HYDIN: variants seen among roughly 807,000 people sequenced by gnomAD.
The protein encoded by HYDIN is HYDIN axonemal central pair apparatus protein.
A neutral mutation model predicts 403.9 loss-of-function variants in HYDIN; 132 were observed. That is an observed-to-expected ratio of 0.33 (90% CI 0.28 to 0.38). The LOEUF (loss-of-function observed/expected upper bound fraction) is 0.38, where lower values mean the gene tolerates loss of function less well. Among genes scored for constraint, HYDIN ranks in the 10% least tolerant of loss-of-function variants. HYDIN has a pLI of 1.00. For synonymous variants in HYDIN, 1,202 were observed against 1,891.7 expected (o/e 0.64, Z 9.46); for missense variants, 2,827 against 5,009.5 (o/e 0.56, Z 13.15).
At chr16:71,202,327 T>C (rs544277054) in intron 1 of HYDIN, among the ~76,000 whole-genome samples, 2 of 152,354 alleles carry the variant, frequency 1.3e-5, no homozygotes, top group South Asian at 2.1e-4. Flanking sequence ...CTTAAACAAA[T>C]ACACATTTGT....
intron 23 of HYDIN, among the ~76,000 whole-genome samples, chr16:71,008,461 C>T (rs1408925255): frequency 6.6e-6 from 1 of 152,148 alleles, no homozygotes; most frequent in Non-Finnish European, 1.5e-5. Context: ...ATAGTTACTG[C>T]TATTGGTCAA....
intron 1 of HYDIN, among the ~76,000 whole-genome samples, chr16:71,228,083 G>A (rs888344563): frequency 4.6e-5 from 7 of 152,102 alleles, no homozygotes; most frequent in Admixed American, 1.3e-4. Context: ...TTTAATAAAT[G>A]GTGCTAGGAA....
Position 70,937,123 on chromosome 16 carries a change from G to GGT in HYDIN, c.6996-1011_6996-1010dup, listed in dbSNP as rs1393386080. On this transcript the variant is annotated intron_variant, in intron 44 of 85. Transcript: ENST00000393567. ...ACTGAAGCAAACTCATTTACTTCATGGTGTGTGTGTGTGCATGTGTGTGTG... is the reference window on the plus strand; with the variant it reads ...ACTGAAGCAAACTCATTTACTTCATGGTGTGTGTGTGTGTGCATGTGTGTGTG... Among the ~76,000 whole-genome samples, 11 of 150,632 alleles carry GGT rather than the reference G, an allele frequency of 7.3e-5. No individual in the cohort carries two copies. The South Asian group carries it at 8.3e-4, about 11-fold the overall frequency.
At chr16:71,170,174 A>G (rs1484957851) in intron 5 of HYDIN, among the ~76,000 whole-genome samples, 2 of 152,186 alleles carry the variant, frequency 1.3e-5, no homozygotes, top group Admixed American at 6.5e-5. Flanking sequence ...CATTTCTCCT[A>G]TCTTTCCTGA....
chr16:71,062,552 G>C, intron 16 of HYDIN: 1 of 483,346 alleles, frequency 2.1e-6, no homozygotes, highest in Non-Finnish European at 3.6e-6. Flanking sequence ...AGCACAGCAA[G>C]ATGCAGAATT....
chr16:71,193,046 A>G (rs2087515197), intron 1 of HYDIN, among the ~76,000 whole-genome samples: 1 of 152,212 alleles, frequency 6.6e-6, no homozygotes, highest in Non-Finnish European at 1.5e-5. Flanking sequence ...GAGGAGTGCC[A>G]TAACTCTGTC....
chr16:71,013,312 G>T (rs1198387502), intron 23 of HYDIN, among the ~76,000 whole-genome samples: 1 of 151,886 alleles, frequency 6.6e-6, no homozygotes, highest in East Asian at 2.0e-4. Flanking sequence ...CAGCAAAGAA[G>T]GGGGCAGTTG....
chr16:71,133,702 CTGAATACAGTGAACG>C (rs2084803188), intron 8 of HYDIN, among the ~76,000 whole-genome samples: 1 of 152,060 alleles, frequency 6.6e-6, no homozygotes, highest in Admixed American at 6.6e-5. Context: ...TGCCAAGTCT[CTGAATACAGTGAACG>C]TGATAAGAAT....
intron 10 of HYDIN, among the ~76,000 whole-genome samples, chr16:71,098,961 A>G (rs112274123): frequency 0.027 from 3,903 of 147,088 alleles, no homozygotes; most frequent in East Asian, 0.11. Flanking sequence ...TTCTAAGCAG[A>G]TATTTTTCTT....
At chr16:71,158,399 T>C (rs1366503480) in intron 6 of HYDIN, among the ~76,000 whole-genome samples, 30 of 152,120 alleles carry the variant, frequency 2.0e-4, no homozygotes, top group Non-Finnish European at 4.4e-5. Flanking sequence ...GGTAGATAGA[T>C]AGAAAGATTT....
chr16:71,175,737 G>A lies in HYDIN; in HGVS notation c.386C>T (p.Pro129Leu). 6.2e-7 allele frequency: 1 copy of A among 1,614,072 alleles called. No individual in the cohort carries two copies. The highest frequency in any genetic ancestry group is 8.5e-7 in the Non-Finnish European group (1 of 1,179,980). ...TTCTTCCACAACTTTCACCAACCTT[G>A]GAATCTGCAGGGAAACACATGATGA... is the stretch of plus-strand genomic sequence containing the variant. ...PLILRNNDKI[P>L]RLVKVVEESS... The change falls in exon 5 of 86, where the codon CCA becomes CTA. Residue 129 changes from proline (P) to leucine (L), a missense_variant. Pro to Leu is a moderately conservative substitution (Grantham distance 98). Transcript: ENST00000393567.
intron 73 of HYDIN, among the ~76,000 whole-genome samples, chr16:70,853,971 C>T (rs996478060): frequency 6.7e-6 from 1 of 148,962 alleles, no homozygotes; most frequent in Non-Finnish European, 1.5e-5. Flanking sequence ...CCTCTGCCTC[C>T]TGGGTTCAAG....
intron 57 of HYDIN, among the ~76,000 whole-genome samples, chr16:70,890,405 C>T (rs2041399599): frequency 6.6e-6 from 1 of 152,004 alleles, no homozygotes; most frequent in African/African-American, 2.4e-5. Flanking sequence ...AGAATTAAGT[C>T]ATAATCATTA....
chr16:70,872,699 TACCC>T (rs1386484413), intron 64 of HYDIN, among the ~76,000 whole-genome samples: 1 of 88,524 alleles, frequency 1.1e-5, no homozygotes, highest in Non-Finnish European at 2.2e-5. Flanking sequence ...ATCATCTCCC[TACCC>T]ACCCATCCAT....
intron 67 of HYDIN, 103 bp from the exon 68 acceptor site, chr16:70,863,285 CTTTG>C: frequency 9.2e-7 from 1 of 1,088,908 alleles, no homozygotes; most frequent in South Asian, 3.0e-5. Context: ...AGTCATGTCA[CTTTG>C]TTTCTTAAAT....
In HYDIN at chr16:70,897,855, T is replaced by C. The variant is rs528902541; in HGVS notation, c.9049-1775A>G. Among the ~76,000 whole-genome samples, 10 of 152,094 alleles carry C rather than the reference T, an allele frequency of 6.6e-5. No individual in the cohort carries two copies. The South Asian group carries it at 1.7e-3, about 25-fold the overall frequency. On this transcript the variant is annotated intron_variant, in intron 53 of 85. Transcript: ENST00000393567. ...GCTGTTTGGCTGGGACACATGGAGATGGTCACAACAGTTGTGAAAATACAA... is the reference window on the plus strand; with the variant it reads ...GCTGTTTGGCTGGGACACATGGAGACGGTCACAACAGTTGTGAAAATACAA...
intron 7 of HYDIN, among the ~76,000 whole-genome samples, chr16:71,138,841 C>T (rs905390404): frequency 2.6e-5 from 4 of 152,110 alleles, no homozygotes; most frequent in South Asian, 4.1e-4. Flanking sequence ...CCCAGCACTT[C>T]GGGAGGCCGA....
chr16:70,978,621 C>T lies in HYDIN; in HGVS notation c.4638+293G>A, dbSNP rs931095199. Among the ~76,000 whole-genome samples, 6 of 152,252 alleles carry T rather than the reference C, an allele frequency of 3.9e-5. No homozygotes were observed. In the East Asian group the frequency reaches 9.6e-4, roughly 24 times the overall value. On this transcript the variant is annotated intron_variant, in intron 30 of 85. Transcript: ENST00000393567. ...AGATGCAAAGTCGATTGGGCCACAC[C>T]TCTCGTTGCCCTCAGGATGAAGTCC...
At chr16:70,829,509 C>T (rs1259431355) in intron 81 of HYDIN, 109 bp downstream of exon 81, 13 of 802,220 alleles carry the variant, frequency 1.6e-5, no homozygotes, top group Non-Finnish European at 2.7e-5. Flanking sequence ...GCTGGGATTA[C>T]AGGCATGAGC....
Sources: gnomAD v4.1 joint callset for allele counts (sites outside exome capture counted in the v4.1 genomes callset) on GRCh38, gnomAD v4.1.1 for gene constraint, MANE v1.5 for transcripts, NCBI Gene and HGNC (gene_info 2026-07-23, HGNC 2026-07-21) for gene names.